The following MAP2 variants were observed in gnomAD, a reference collection of about 807,000 sequenced individuals.
The protein encoded by MAP2 is microtubule-associated protein 2.
In MAP2, 14 loss-of-function variants were observed where a neutral mutation model predicts 137.6. The ratio of observed to expected loss-of-function variants is 0.10; its 90% CI spans 0.07 to 0.16. The LOEUF is 0.16. MAP2 is among the 10% of genes least tolerant of loss of function. MAP2 has a pLI of 1.00. For synonymous variants in MAP2, 786 were observed against 782.3 expected, an observed-to-expected ratio of 1.00 and a Z score of -0.08; for missense variants, 2,088 against 2,191.5, an observed-to-expected ratio of 0.95 and a Z score of 0.94.
intron 7 of MAP2, among the ~76,000 whole-genome samples, chr2:209,688,334 A>G (rs1049568041): frequency 1.3e-5 from 2 of 152,202 alleles, no homozygotes; most frequent in African/African-American, 4.8e-5. Context: ...GACTCTGAAT[A>G]TAATTTTTTT....
rs1235171348 is a variant in MAP2, at chr2:209,696,802, T to C, written c.4387+54T>C. 3.2e-6 allele frequency: 5 copies of C among 1,565,694 alleles called. No individual in the cohort carries two copies. In the South Asian group the frequency reaches 4.7e-5, roughly 15 times the overall value. ...TGTTTTTGAAGTAATTCATTATTAC[T>C]TTTTTGCAGAACTGCCTAACAGTGG... On this transcript the variant is annotated intron_variant, in intron 9 of 15. Transcript: ENST00000682079.
chr2:209,560,588 C>G (rs113156272), intron 2 of MAP2, among the ~76,000 whole-genome samples: 1 of 151,676 alleles, frequency 6.6e-6, no homozygotes, highest in African/African-American at 2.4e-5. Context: ...CAAGCAATCC[C>G]CCACCCCTCA....
intron 1 of MAP2, among the ~76,000 whole-genome samples, chr2:209,453,326 G>A (rs1490252248): frequency 6.6e-6 from 1 of 152,110 alleles, no homozygotes; most frequent in Non-Finnish European, 1.5e-5. Flanking sequence ...GGCCATGATA[G>A]TAACGGTTTG....
At chr2:209,659,107 T>C (rs554493526) in intron 5 of MAP2, among the ~76,000 whole-genome samples, 1 of 152,336 alleles carries the variant, frequency 6.6e-6, no homozygotes, top group East Asian at 1.9e-4. Context: ...GTGAACACAG[T>C]GTTCAGGAAT....
In MAP2 at chr2:209,694,841, G is replaced by A. The variant is rs747135467; in HGVS notation, c.2671G>A (p.Gly891Arg). ...TGTTCAAGACAGTGAGAATTTATCA[G>A]GGGAGAGTGGTACCTTTTACGAAGG... ...SPVQDSENLS[G>R]ESGTFYEGTD... The change falls in exon 8 of 16, where the codon GGG becomes AGG. Residue 891 changes from glycine (G) to arginine (R), a missense_variant. Around this residue, in one of 6 missense-constraint regions of MAP2, gnomAD observed 500 missense variants for 482.9 expected, o/e 1.04. Transcript: ENST00000682079. The A allele has an allele frequency of 8.7e-6, 14 of 1,614,178 alleles. No homozygotes were observed. Among genetic ancestry groups the A allele is most frequent in the Non-Finnish European group, 1.2e-5 (14 of 1,180,020 alleles).
chr2:209,618,213 GA>G (rs2090114927), intron 3 of MAP2, among the ~76,000 whole-genome samples: 1 of 152,000 alleles, frequency 6.6e-6, no homozygotes, highest in Non-Finnish European at 1.5e-5. Context: ...AGGAGCAGAG[GA>G]GACAGGCAGA....
Position 209,678,421 on chromosome 2 carries a change from G to T in MAP2, c.263-151G>T, listed in dbSNP as rs1046293895. 1.6e-5 allele frequency: 6 copies of T among 367,320 alleles called. No homozygotes were observed. In the East Asian group the frequency reaches 2.5e-4, roughly 15 times the overall value. 22.8% of individuals were successfully genotyped at this position (367,320 alleles called of 1,614,324 possible). On this transcript the variant is annotated intron_variant, in intron 5 of 15. Transcript: ENST00000682079. ...TTCTTCTTCTTTTTTGTATATATGT[G>T]TTTATGTTTTCTCTGCAATTAAAAA...
intron 2 of MAP2, among the ~76,000 whole-genome samples, chr2:209,574,603 G>A (rs1027728767): frequency 6.6e-6 from 1 of 152,166 alleles, no homozygotes; most frequent in Non-Finnish European, 1.5e-5. Context: ...CCGCATCCAT[G>A]TATAGCTTCT....
At chr2:209,594,053 C>T (rs1014253371) in intron 3 of MAP2, among the ~76,000 whole-genome samples, 2 of 140,870 alleles carry the variant, frequency 1.4e-5, no homozygotes, top group African/African-American at 2.7e-5. Context: ...CAGGCTGATA[C>T]GAGAGGATCA....
chr2:209,486,164 C>T (rs878923907), intron 1 of MAP2, among the ~76,000 whole-genome samples: 3 of 152,008 alleles, frequency 2.0e-5, no homozygotes, highest in Non-Finnish European at 4.4e-5. Context: ...CCCTGAAGCA[C>T]GTCTTCAAAA....
chr2:209,493,912 GC>G (rs769724443), intron 1 of MAP2, among the ~76,000 whole-genome samples: 2 of 152,050 alleles, frequency 1.3e-5, no homozygotes, highest in Non-Finnish European at 2.9e-5. Context: ...ATACCATTTG[GC>G]CCAGCAATCC....
rs567803829 is a variant in MAP2 at position 209,628,515 on chromosome 2, C to T, written c.-30+3386C>T. On this transcript the variant is annotated intron_variant, in intron 4 of 15. Transcript: ENST00000682079. ...CATCTCTACCTATATCATTCACATC[C>T]ACTGTCTCTCATGTTTACTACTATC... Among the ~76,000 whole-genome samples the T allele has an allele frequency of 2.6e-5, 4 of 152,252 alleles. No individual in the cohort carries two copies. In the East Asian group the frequency reaches 7.7e-4, roughly 29 times the overall value.
intron 1 of MAP2, among the ~76,000 whole-genome samples, chr2:209,507,281 A>G (rs1477427852): frequency 1.3e-5 from 2 of 152,188 alleles, no homozygotes; most frequent in Non-Finnish European, 2.9e-5. Context: ...AGAATGTGCT[A>G]AAAATTCTTT....
intron 1 of MAP2, among the ~76,000 whole-genome samples, chr2:209,440,407 T>C (rs1697466585): frequency 6.6e-6 from 1 of 151,550 alleles, no homozygotes; most frequent in Admixed American, 6.6e-5. Context: ...TTGTCTAAAA[T>C]ATCCAATTTT....
chr2:209,579,607 A>AC (rs1207322298), intron 2 of MAP2: 2 of 152,228 alleles, frequency 1.3e-5, no homozygotes, highest in Non-Finnish European at 2.9e-5. Context: ...TTTCCCCGGC[A>AC]CACACAGACA....
intron 2 of MAP2, among the ~76,000 whole-genome samples, chr2:209,542,776 T>C (rs964990736): frequency 1.3e-5 from 2 of 152,356 alleles, no homozygotes; most frequent in African/African-American, 4.8e-5. Context: ...TCAGGCTTCA[T>C]AGAATTGAAA....
chr2:209,489,059 G>T (rs1281521878), intron 1 of MAP2, among the ~76,000 whole-genome samples: 1 of 152,180 alleles, frequency 6.6e-6, no homozygotes, highest in Non-Finnish European at 1.5e-5. Context: ...CATCTGGTGG[G>T]TGTCCATCTG....
Position 209,692,999 on chromosome 2 carries a change from G to A in MAP2, c.829G>A (p.Glu277Lys). Residue 277 changes from glutamate (E) to lysine (K), a missense_variant, in exon 8 of 16, where the codon GAG (glutamate) becomes AAG (lysine). By Grantham distance (56) the Glu-to-Lys change is moderately conservative. This residue lies in a region of MAP2 where 859 missense variants were observed against 794.5 expected (regional missense o/e 1.08). Coordinates refer to ENST00000682079, the MANE Select transcript of MAP2 (RefSeq NM_001375505.1). The part of the protein sequence containing the change: ...IEMPTEAKKD[E>K]WGLVAPISPG... Reference sequence around the variant, plus strand: ...AATGCCAACGGAAGCAAAAAAGGATGAGTGGGGTTTAGTTGCCCCCATATC... The same window carrying A: ...AATGCCAACGGAAGCAAAAAAGGATAAGTGGGGTTTAGTTGCCCCCATATC... The A allele has an allele frequency of 6.2e-7, 1 of 1,613,540 alleles. No individual in the cohort carries two copies. The highest frequency in any genetic ancestry group is 8.5e-7 in the Non-Finnish European group (1 of 1,179,836).
intron 1 of MAP2, among the ~76,000 whole-genome samples, chr2:209,468,534 A>G (rs1236965234): frequency 1.3e-5 from 2 of 151,628 alleles, no homozygotes; most frequent in East Asian, 3.9e-4. Flanking sequence ...GTTAGCCAGG[A>G]TGGTCTCAAT....
Sources: allele counts gnomAD v4.1 joint callset (sites outside exome capture counted in the v4.1 genomes callset), GRCh38; gene constraint gnomAD v4.1.1; regional missense constraint gnomAD v4.1.1; transcripts MANE v1.5; gene names NCBI Gene and HGNC (gene_info 2026-07-23, HGNC 2026-07-21).